SNX13: variants seen among roughly 807,000 people sequenced by gnomAD.
The protein encoded by SNX13 is sorting nexin 13, also known as sorting nexin-13.
SNX13 carries 45 observed loss-of-function variants against 133.6 expected under a neutral mutation model. That is an observed-to-expected ratio of 0.34 (90% CI 0.27 to 0.43). SNX13 has a LOEUF of 0.43. SNX13 is among the 20% of genes least tolerant of loss of function. The pLI, the probability that SNX13 is intolerant of heterozygous loss-of-function variation, is 1.00. For missense variants in SNX13, 1,032 were observed against 1,145.1 expected (o/e 0.90, Z 1.43); for synonymous variants, 414 against 373.9 (o/e 1.11, Z -1.24).
chr7:17,880,587 C>T (rs1199843457), intron 5 of SNX13: 1 of 152,128 alleles, frequency 6.6e-6, no homozygotes, highest in Non-Finnish European at 1.5e-5. Flanking sequence ...TTTTGATAAG[C>T]ATACAACTCC....
intron 9 of SNX13, among the ~76,000 whole-genome samples, chr7:17,858,980 T>G (rs185942638): frequency 9.0e-4 from 137 of 152,130 alleles, no homozygotes; most frequent in African/African-American, 3.0e-3. Context: ...GAACAAAATA[T>G]AAAAGTAAAA....
In SNX13 at chr7:17,792,201, G is replaced by C. The variant is rs1011231850; in HGVS notation, c.*1844C>G. ...AAATCACTGCACTTATGGCCATGCT[G>C]ATGCTTCCTACAGACATGTTTCATG... On this transcript the variant is annotated 3_prime_UTR_variant, in exon 26 of 26. Coordinates refer to ENST00000428135, the MANE Select transcript of SNX13 (RefSeq NM_015132.5). 6.6e-6 allele frequency: 1 copy of C among 151,968 alleles called. No individual in the cohort carries two copies. The highest frequency in any genetic ancestry group is 2.1e-4 in the South Asian group (1 of 4,822). The allele number at this position is 151,968 out of a possible 1,614,324, so 9.4% of individuals were successfully genotyped here.
rs530336910 is a variant in SNX13 at position 17,827,954 on chromosome 7, A to C, written c.1636-1863T>G. On this transcript the variant is annotated intron_variant, in intron 16 of 25. Transcript: ENST00000428135. ...TATAAGCCAGCACAGGTAACATAAA[A>C]TAATCTATTTTTTTAAAAAAGCATT... 5.9e-5 allele frequency among the ~76,000 whole-genome samples: 9 copies of C among 151,920 alleles called. No homozygotes were observed. In the East Asian group the frequency reaches 1.5e-3, roughly 26 times the overall value.
Position 17,839,828 on chromosome 7 carries a change from A to G in SNX13, c.1338T>C (p.Tyr446=). The G allele has an allele frequency of 6.2e-7, 1 of 1,610,152 alleles. No individual in the cohort carries two copies. Among genetic ancestry groups the G allele is most frequent in the Non-Finnish European group, 8.5e-7 (1 of 1,177,754 alleles). Residue 446 remains tyrosine, a synonymous_variant, in exon 13 of 26, where the codon TAT becomes TAC. Transcript: ENST00000428135. The part of the protein sequence containing the change: ...GLLRAAAVGI[Y]EQYLSEKASP... The stretch of plus-strand genomic sequence containing the variant: ...TCACCTTTTCTGATAAATACTGTTC[A>G]TAAATTCCAACAGCAGCTGCTCTTA...
rs1356727681 is a variant in SNX13 at position 17,932,523 on chromosome 7, A to C, written c.12+7761T>G. ...TTAATTTTTCTTGAGGAAATATTCA[A>C]CATTCATTCATTCAACAGATATTTA... is the stretch of plus-strand genomic sequence containing the variant. On this transcript the variant is annotated intron_variant, in intron 1 of 25. Coordinates refer to ENST00000428135, the MANE Select transcript of SNX13 (RefSeq NM_015132.5). Among the ~76,000 whole-genome samples the C allele has an allele frequency of 3.9e-5, 6 of 152,234 alleles. No individual in the cohort carries two copies. In the East Asian group the frequency reaches 1.2e-3, roughly 29 times the overall value.
chr7:17,873,553 T>C lies in SNX13; in HGVS notation c.728A>G (p.Asn243Ser), dbSNP rs1223762585. The C allele has an allele frequency of 3.8e-6, 6 of 1,587,058 alleles. No homozygotes were observed. In the South Asian group the frequency reaches 5.8e-5, roughly 15 times the overall value. The change falls in exon 8 of 26, where the codon AAC (asparagine) becomes AGC (serine). Residue 243 changes from asparagine (N) to serine (S), a missense_variant. By Grantham distance (46) the Asn-to-Ser change is conservative. Coordinates refer to ENST00000428135, the MANE Select transcript of SNX13 (RefSeq NM_015132.5). The stretch of plus-strand genomic sequence containing the variant: ...CCTGACAAAGTATCGCATGATCTTG[T>C]TCTGGAAATCTCCAGGAGGTAGCAA... Reference protein sequence around the residue: ...YLLLPPGDFQNKIMRYFVREI... With the variant: ...YLLLPPGDFQSKIMRYFVREI...
At chr7:17,930,357 T>C (rs1209268146) in intron 1 of SNX13, among the ~76,000 whole-genome samples, 2 of 152,226 alleles carry the variant, frequency 1.3e-5, no homozygotes, top group Admixed American at 6.5e-5. Flanking sequence ...GCCATCACTC[T>C]TAACCAAAAG....
intron 12 of SNX13, among the ~76,000 whole-genome samples, chr7:17,840,793 G>T (rs1789776525): frequency 6.6e-6 from 1 of 152,030 alleles, no homozygotes; most frequent in Non-Finnish European, 1.5e-5. Flanking sequence ...AAATTTCAAA[G>T]AAGATGTGGG....
At chr7:17,863,042 A>T (rs1792916611) in intron 9 of SNX13, among the ~76,000 whole-genome samples, 1 of 152,126 alleles carries the variant, frequency 6.6e-6, no homozygotes. Context: ...AGGAAGAGTG[A>T]AGTAAGTATA....
chr7:17,876,172 G>C (rs1475982972), intron 5 of SNX13, among the ~76,000 whole-genome samples: 5 of 152,164 alleles, frequency 3.3e-5, no homozygotes, highest in African/African-American at 7.2e-5. Flanking sequence ...TGCTTTAAAA[G>C]AGCATTTCAA....
intron 5 of SNX13, chr7:17,881,574 C>T (rs1795351563): frequency 6.6e-6 from 1 of 152,028 alleles, no homozygotes; most frequent in Admixed American, 6.6e-5. Context: ...AAAAGTTTTA[C>T]TCCATTAGAA....
At chr7:17,834,737 G>A (rs762180585) in intron 14 of SNX13, 24 bp downstream of exon 14, 3 of 1,420,154 alleles carry the variant, frequency 2.1e-6, no homozygotes, top group African/African-American at 2.9e-5. Context: ...AAGATAAAAT[G>A]ATAAATGCTG....
intron 5 of SNX13, among the ~76,000 whole-genome samples, chr7:17,885,767 G>A (rs567021110): frequency 6.6e-6 from 1 of 152,330 alleles, no homozygotes; most frequent in Admixed American, 6.5e-5. Flanking sequence ...GGCGGAAACT[G>A]CAGTGAGCCG....
chr7:17,828,848 A>G (rs376843282), intron 16 of SNX13, among the ~76,000 whole-genome samples: 2 of 151,554 alleles, frequency 1.3e-5, no homozygotes, highest in African/African-American at 4.8e-5. Context: ...CACAAGTACT[A>G]CAAATGTGAA....
Position 17,791,674 on chromosome 7 carries a change from C to A in SNX13, c.*2371G>T, listed in dbSNP as rs564810847. 1.3e-5 allele frequency: 2 copies of A among 152,002 alleles called. No homozygotes were observed. Among genetic ancestry groups the A allele is most frequent in the African/African-American group, 2.4e-5 (1 of 41,416 alleles). The allele number at this position is 152,002 out of a possible 1,614,324, so 9.4% of individuals were successfully genotyped here. A position where few individuals can be genotyped will look rare whatever the true frequency, so the allele number is the denominator to read the frequency against. ...AATCAAATACCAGAAGACATAAAGC[C>A]TCTTCATGTATATATTCATATATGC... is the stretch of plus-strand genomic sequence containing the variant. On this transcript the variant is annotated 3_prime_UTR_variant, in exon 26 of 26. Coordinates refer to ENST00000428135, the MANE Select transcript of SNX13 (RefSeq NM_015132.5).
chr7:17,808,854 C>G (rs930689149), intron 20 of SNX13, among the ~76,000 whole-genome samples: 3 of 152,116 alleles, frequency 2.0e-5, no homozygotes, highest in African/African-American at 7.2e-5. Context: ...TCCAGCCCAA[C>G]TAAGCTTCAT....
At chr7:17,846,241 A>C (rs1413072771) in intron 11 of SNX13, among the ~76,000 whole-genome samples, 1 of 151,986 alleles carries the variant, frequency 6.6e-6, no homozygotes, top group African/African-American at 2.4e-5. Flanking sequence ...AACAACCTAC[A>C]TATGAAAAAA....
intron 13 of SNX13, among the ~76,000 whole-genome samples, chr7:17,836,254 T>A (rs934722819): frequency 1.3e-5 from 2 of 151,954 alleles, no homozygotes; most frequent in Non-Finnish European, 2.9e-5. Flanking sequence ...TGATAGCTCA[T>A]GCTTGTAATC....
intron 16 of SNX13, among the ~76,000 whole-genome samples, chr7:17,829,509 CA>C (rs911871175): frequency 5.7e-4 from 86 of 150,724 alleles, no homozygotes; most frequent in Non-Finnish European, 1.0e-3. Flanking sequence ...TCTAAACTTA[CA>C]AAAAAAAATT....
Sources: allele counts gnomAD v4.1 joint callset (sites outside exome capture counted in the v4.1 genomes callset), GRCh38; gene constraint gnomAD v4.1.1; transcripts MANE v1.5; gene names NCBI Gene and HGNC (gene_info 2026-07-23, HGNC 2026-07-21).